The following RASEF variants were observed in gnomAD, a reference collection of about 807,000 sequenced individuals.
RASEF encodes the protein RAS and EF-hand domain containing, also known as ras and EF-hand domain-containing protein.
In RASEF, 68 loss-of-function variants were observed where a neutral mutation model predicts 90.1. The observed-to-expected ratio is 0.75, with a 90% confidence interval of 0.62 to 0.92. The LOEUF is 0.92. Among genes scored for constraint, RASEF ranks in the 40% least tolerant of loss-of-function variants. The pLI is 0.00. For synonymous variants in RASEF, 331 were observed against 345.2 expected, an observed-to-expected ratio of 0.96 and a Z score of 0.46; for missense variants, 949 against 937.2, an observed-to-expected ratio of 1.01 and a Z score of -0.16.
the RASEF span, among the ~76,000 whole-genome samples, chr9:83,094,666 T>C: frequency 5.9e-5 from 9 of 152,200 alleles, no homozygotes; most frequent in Non-Finnish European, 1.3e-4. Flanking sequence ...TTAAGTTTTC[T>C]TTTAAAAAAA....
chr9:83,196,349 G>C, the RASEF span, among the ~76,000 whole-genome samples: 2 of 152,056 alleles, frequency 1.3e-5, no homozygotes, highest in African/African-American at 4.8e-5. Flanking sequence ...GCTGTGGGCT[G>C]TCATGTAGGT....
chr9:83,031,485 C>T (rs151025686), intron 1 of RASEF, among the ~76,000 whole-genome samples: 3 of 152,280 alleles, frequency 2.0e-5, no homozygotes, highest in East Asian at 3.9e-4. Flanking sequence ...TCACTAGTAT[C>T]CTATTTACTG....
intron 1 of RASEF, among the ~76,000 whole-genome samples, chr9:83,034,522 G>C (rs1174471608): frequency 6.6e-6 from 1 of 152,214 alleles, no homozygotes; most frequent in Non-Finnish European, 1.5e-5. Context: ...TTCCCTGGAA[G>C]ATGAGAGAGT....
At chr9:83,144,468 A>G in the RASEF span, among the ~76,000 whole-genome samples, 1 of 105,768 alleles carries the variant, frequency 9.5e-6, no homozygotes, top group Non-Finnish European at 2.3e-5. Flanking sequence ...AGAAGAGAAA[A>G]GAAAAGAAGA....
At chr9:83,071,787 C>A in the RASEF span, among the ~76,000 whole-genome samples, 1 of 152,316 alleles carries the variant, frequency 6.6e-6, no homozygotes, top group African/African-American at 2.4e-5. Flanking sequence ...GGCCTCAGGG[C>A]TGCTTCACAT....
the RASEF span, among the ~76,000 whole-genome samples, chr9:83,207,853 G>A: frequency 1.1e-4 from 16 of 152,156 alleles, no homozygotes; most frequent in East Asian, 5.8e-4. Context: ...TGATCCACCC[G>A]TCTCCGCCTC....
chr9:82,983,768 T>C (rs1038547713), intron 16 of RASEF, among the ~76,000 whole-genome samples: 16 of 152,170 alleles, frequency 1.1e-4, no homozygotes, highest in African/African-American at 3.6e-4. Context: ...CCCTTTGAAG[T>C]CCAGGGTTCA....
chr9:83,020,147 C>A (rs1829415325), intron 3 of RASEF, among the ~76,000 whole-genome samples: 1 of 152,086 alleles, frequency 6.6e-6, no homozygotes, highest in South Asian at 2.1e-4. Context: ...GCAATATATG[C>A]TATATATGCC....
the RASEF span, among the ~76,000 whole-genome samples, chr9:83,197,066 G>T: frequency 6.6e-6 from 1 of 152,200 alleles, no homozygotes; most frequent in Non-Finnish European, 1.5e-5. Flanking sequence ...TGCAGACAAT[G>T]GTCCCACCCT....
At chr9:83,200,748 G>A in the RASEF span, among the ~76,000 whole-genome samples, 1 of 152,156 alleles carries the variant, frequency 6.6e-6, no homozygotes, top group Non-Finnish European at 1.5e-5. Context: ...TCATAGCAGG[G>A]CCTCAGTGAG....
At chr9:83,214,079 CAGTG>C in the RASEF span, among the ~76,000 whole-genome samples, 1 of 152,182 alleles carries the variant, frequency 6.6e-6, no homozygotes, top group African/African-American at 2.4e-5. Context: ...CTGAGCAACA[CAGTG>C]AGACCTCATC....
the RASEF span, among the ~76,000 whole-genome samples, chr9:83,183,932 A>G: frequency 2.6e-5 from 4 of 152,182 alleles, no homozygotes; most frequent in Admixed American, 2.0e-4. Flanking sequence ...GGGTTTGTTA[A>G]AACTCAGATG....
chr9:83,022,381 T>C lies in RASEF; in HGVS notation c.624A>G (p.Glu208=). 2.5e-6 allele frequency: 4 copies of C among 1,614,124 alleles called. No individual in the cohort carries two copies. Among genetic ancestry groups the C allele is most frequent in the Non-Finnish European group, 1.7e-6 (2 of 1,180,018 alleles). ...CTGCAGCCTGAATCCTCTGATCCAT[T>C]TCCTCTTCCAACTCACTCAACTGCA... The part of the protein sequence containing the change: ...AAMQLSELEE[E]MDQRIQAAEH... Residue 208 remains glutamate, a synonymous_variant, in exon 3 of 17, where the codon GAA becomes GAG. Coordinates refer to ENST00000376447, the MANE Select transcript of RASEF (RefSeq NM_152573.4).
At chr9:83,188,255 C>T in the RASEF span, among the ~76,000 whole-genome samples, 6 of 152,148 alleles carry the variant, frequency 3.9e-5, no homozygotes, top group African/African-American at 1.4e-4. Flanking sequence ...ATTGTATTAA[C>T]TAATATAATA....
At chr9:83,178,924 A>C in the RASEF span, among the ~76,000 whole-genome samples, 1 of 152,128 alleles carries the variant, frequency 6.6e-6, no homozygotes, top group African/African-American at 2.4e-5. Context: ...ATCCAGTCTC[A>C]CCAGGGCAAA....
chr9:83,068,553 C>A, the RASEF span, among the ~76,000 whole-genome samples: 1 of 152,212 alleles, frequency 6.6e-6, no homozygotes, highest in Admixed American at 6.5e-5. Flanking sequence ...GAATTGAAAC[C>A]TGCCAACAAC....
the RASEF span, among the ~76,000 whole-genome samples, chr9:83,145,455 T>C: frequency 1.3e-4 from 20 of 152,162 alleles, no homozygotes; most frequent in East Asian, 3.9e-3. Context: ...GAGCTGAAAA[T>C]AACCCTGAGT....
the RASEF span, among the ~76,000 whole-genome samples, chr9:83,106,697 C>T: frequency 6.6e-6 from 1 of 152,204 alleles, no homozygotes; most frequent in Non-Finnish European, 1.5e-5. Flanking sequence ...CTAACCGGGA[C>T]ATCTGACATT....
In RASEF at chr9:83,062,440, G is replaced by C. The variant is rs916350899; in HGVS notation, c.428C>G (p.Pro143Arg). Residue 143 changes from proline to arginine, a missense_variant, in exon 1 of 17, where the codon CCC becomes CGC. Transcript: ENST00000376447. ...CGCCCCCAGCTCACACTCGCACCTG[G>C]GAATGAACTTGGCTTCGTCCCCAAG... is the stretch of plus-strand genomic sequence containing the variant. ...ARLGDEAKFI[P>R]REEQVSTLYQ... 14 of 1,612,838 alleles carry C rather than the reference G, an allele frequency of 8.7e-6. No individual in the cohort carries two copies. In the African/African-American group the frequency reaches 1.7e-4, roughly 20 times the overall value.
Sources: allele counts gnomAD v4.1 joint callset (sites outside exome capture counted in the v4.1 genomes callset), GRCh38; gene constraint gnomAD v4.1.1; transcripts MANE v1.5; gene names NCBI Gene and HGNC (gene_info 2026-07-23, HGNC 2026-07-21).